The following IP6K1 variants were observed in gnomAD, a reference collection of about 807,000 sequenced individuals.
The protein encoded by IP6K1 is ATP:1D-myo-inositol-hexakisphosphate phosphotransferase.
IP6K1 carries 13 observed loss-of-function variants against 38.3 expected under a neutral mutation model. That is an observed-to-expected ratio of 0.34 (90% CI 0.22 to 0.54). The LOEUF is 0.54. IP6K1 is among the 20% of genes least tolerant of loss of function. IP6K1 has a pLI of 0.92. For synonymous variants in IP6K1, 212 were observed against 229.9 expected (o/e 0.92, Z 0.70); for missense variants, 397 against 599.8 (o/e 0.66, Z 3.53).
At chr3:49,734,397 T>C (rs1353574287) in intron 3 of IP6K1, among the ~76,000 whole-genome samples, 2 of 35,820 alleles carry the variant, frequency 5.6e-5, no homozygotes, top group African/African-American at 1.3e-4. Flanking sequence ...GTAATTTCTT[T>C]TTTTTTTTTT....
At chr3:49,736,676 G>C (rs2080614979) in intron 3 of IP6K1, among the ~76,000 whole-genome samples, 1 of 151,932 alleles carries the variant, frequency 6.6e-6, no homozygotes, top group East Asian at 1.9e-4. Context: ...ATAATTTTAA[G>C]AACATTTTTG....
chr3:49,753,339 T>C (rs2080795247), intron 1 of IP6K1, among the ~76,000 whole-genome samples: 1 of 152,148 alleles, frequency 6.6e-6, no homozygotes, highest in South Asian at 2.1e-4. Context: ...AAGTCTTTGA[T>C]CAAAATGTCT....
intron 1 of IP6K1, chr3:49,775,198 C>G (rs1168225324): frequency 6.3e-6 from 1 of 157,516 alleles, no homozygotes; most frequent in Non-Finnish European, 1.4e-5. Context: ...AAATCACCAA[C>G]AAGGCCAGGC....
intron 1 of IP6K1, among the ~76,000 whole-genome samples, chr3:49,782,474 G>A (rs938864487): frequency 6.6e-6 from 1 of 151,840 alleles, no homozygotes; most frequent in Admixed American, 6.6e-5. Flanking sequence ...CGGCCTGGAG[G>A]GTCTACTATT....
At chr3:49,775,468 G>C in intron 1 of IP6K1, 1 of 549,892 alleles carries the variant, frequency 1.8e-6, no homozygotes, top group Non-Finnish European at 3.3e-6. Context: ...ATCTGTGGAG[G>C]CCCTGGGGTC....
At chr3:49,779,188 T>C (rs1387245220) in intron 1 of IP6K1, among the ~76,000 whole-genome samples, 5 of 152,194 alleles carry the variant, frequency 3.3e-5, no homozygotes, top group African/African-American at 7.2e-5. Context: ...TTCTATAGAA[T>C]TGCCTATTCT....
chr3:49,754,035 GAA>G (rs879393244), intron 1 of IP6K1, among the ~76,000 whole-genome samples: 2 of 151,882 alleles, frequency 1.3e-5, no homozygotes, highest in Admixed American at 6.6e-5. Flanking sequence ...TAAAAAGGGG[GAA>G]AAAAATCAGG....
At chr3:49,745,652 C>T (rs2080714307) in intron 2 of IP6K1, among the ~76,000 whole-genome samples, 2 of 152,092 alleles carry the variant, frequency 1.3e-5, no homozygotes, top group Non-Finnish European at 2.9e-5. Context: ...GTCAGGAGTT[C>T]GAAAGCAGCT....
At chr3:49,774,879 T>C (rs78992774) in intron 1 of IP6K1, among the ~76,000 whole-genome samples, 1 of 141,676 alleles carries the variant, frequency 7.1e-6, no homozygotes, top group South Asian at 2.2e-4. Context: ...TCATAATTTC[T>C]TTTTTTTTTT....
chr3:49,760,994 G>C (rs762300096), intron 1 of IP6K1, among the ~76,000 whole-genome samples: 16 of 152,266 alleles, frequency 1.1e-4, no homozygotes, highest in Non-Finnish European at 1.9e-4. Context: ...CAATGCTAAC[G>C]TTTTAAAGTC....
rs11391839 is a variant in IP6K1 at position 49,754,926 on chromosome 3, C to CTT, written c.-128-6760_-128-6759dup. On this transcript the variant is annotated intron_variant, in intron 1 of 5. Coordinates refer to ENST00000321599, the MANE Select transcript of IP6K1 (RefSeq NM_153273.4). The stretch of plus-strand genomic sequence containing the variant: ...TAACCACTTGGGTTTGATATGCAAT[C>CTT]TTTTTTTTTTTTTTGAGACAGGGTC... Among the ~76,000 whole-genome samples, 1,040 of 144,380 alleles carry CTT rather than the reference C, an allele frequency of 7.2e-3. 8 individuals carry two copies. The highest frequency in any genetic ancestry group is 0.021 in the Middle Eastern group (6 of 288). 94.7% of individuals were successfully genotyped at this position (144,380 alleles called of 152,430 possible).
At chr3:49,785,246 A>G (rs1173592998) in intron 1 of IP6K1, among the ~76,000 whole-genome samples, 2 of 148,978 alleles carry the variant, frequency 1.3e-5, no homozygotes, top group Non-Finnish European at 3.0e-5. Flanking sequence ...AGTGGCTCAC[A>G]CTTGTAACCC....
chr3:49,737,577 T>G (rs966140622), intron 3 of IP6K1, among the ~76,000 whole-genome samples: 1 of 152,086 alleles, frequency 6.6e-6, no homozygotes, highest in Non-Finnish European at 1.5e-5. Flanking sequence ...TCCCAGCTAC[T>G]TGGGAGGCAG....
At chr3:49,776,519 T>TA (rs36035503) in intron 1 of IP6K1, among the ~76,000 whole-genome samples, 39,220 of 142,446 alleles carry the variant, frequency 0.28, 5,355 homozygotes, top group Non-Finnish European at 0.32. Context: ...TCAGTCTCAG[T>TA]AAAAAAAAAA....
intron 2 of IP6K1, among the ~76,000 whole-genome samples, chr3:49,741,807 G>A (rs1418458237): frequency 6.6e-6 from 1 of 152,152 alleles, no homozygotes; most frequent in Non-Finnish European, 1.5e-5. Flanking sequence ...AAAGGTAAAT[G>A]AGCCCTGCTT....
chr3:49,727,341 C>A lies in IP6K1; in HGVS notation c.1107G>T (p.Ala369=). 6.2e-7 allele frequency: 1 copy of A among 1,613,974 alleles called. No homozygotes were observed. The highest frequency in any genetic ancestry group is 8.5e-7 in the Non-Finnish European group (1 of 1,179,960). Residue 369 remains alanine, a synonymous_variant, in exon 6 of 6, where the codon GCG becomes GCT. Coordinates refer to ENST00000321599, the MANE Select transcript of IP6K1 (RefSeq NM_153273.4). This position sits in a 1 kb window ranked among gnomAD's most constrained non-coding sequence, Gnocchi z 5.9. ...KHLDMVLPEV[A]SSCGPSTSPS... is the part of the protein sequence containing the mutation. ...GGCTGGTGCTGGGGCCACAGGATGA[C>A]GCCACCTCAGGGAGCACCATGTCCA... is the stretch of plus-strand genomic sequence containing the variant.
chr3:49,778,814 T>C (rs2081041182), intron 1 of IP6K1, among the ~76,000 whole-genome samples: 1 of 152,058 alleles, frequency 6.6e-6, no homozygotes, highest in Non-Finnish European at 1.5e-5. Flanking sequence ...TTTGTATCGA[T>C]GGGGTCTCGC....
intron 1 of IP6K1, among the ~76,000 whole-genome samples, chr3:49,784,123 T>A (rs1415931243): frequency 6.6e-6 from 1 of 152,032 alleles, no homozygotes; most frequent in African/African-American, 2.4e-5. Context: ...TTCAGGTGAT[T>A]CTCCTGCCTC....
intron 1 of IP6K1, among the ~76,000 whole-genome samples, chr3:49,750,487 G>A (rs994406445): frequency 6.6e-6 from 1 of 152,074 alleles, no homozygotes; most frequent in Admixed American, 6.6e-5. Flanking sequence ...CTGAGGTCAG[G>A]AGTTCAAGAC....
Sources: gnomAD v4.1 joint callset for allele counts (sites outside exome capture counted in the v4.1 genomes callset) on GRCh38, gnomAD v4.1.1 for gene constraint, Gnocchi (gnomAD v3.1) non-coding constraint, MANE v1.5 for transcripts, NCBI Gene and HGNC (gene_info 2026-07-23, HGNC 2026-07-21) for gene names.